The following ADAM9 variants were observed in gnomAD, a reference collection of about 807,000 sequenced individuals.
The protein encoded by ADAM9 is disintegrin and metalloproteinase domain-containing protein 9.
Under a neutral mutation model 108.1 loss-of-function variants are expected in ADAM9, and 54 were observed. The observed-to-expected ratio is 0.50, with a 90% CI of 0.40 to 0.63. The LOEUF (loss-of-function observed/expected upper bound fraction) is 0.63. Among genes scored for constraint, ADAM9 ranks in the 20% least tolerant of loss-of-function variants. ADAM9 has a pLI of 0.00. For synonymous variants in ADAM9, 316 were observed against 336.0 expected, an observed-to-expected ratio of 0.94 and a Z score of 0.65; for missense variants, 830 against 997.7, an observed-to-expected ratio of 0.83 and a Z score of 2.26.
At chr8:39,056,862 G>T (rs1245806335) in intron 14 of ADAM9, among the ~76,000 whole-genome samples, 1 of 152,038 alleles carries the variant, frequency 6.6e-6, no homozygotes, top group African/African-American at 2.4e-5. Flanking sequence ...GTTTCCCTCT[G>T]TATAGTTAGT....
chr8:39,044,056 A>G (rs753329385), intron 12 of ADAM9, among the ~76,000 whole-genome samples: 2 of 151,972 alleles, frequency 1.3e-5, no homozygotes, highest in Non-Finnish European at 2.9e-5. Flanking sequence ...CACTCTGTTG[A>G]TTGCTTCCTA....
chr8:39,071,250 A>G, intron 14 of ADAM9, 48 bp from the exon 15 acceptor site: 1 of 1,567,906 alleles, frequency 6.4e-7, no homozygotes, highest in South Asian at 1.1e-5. Context: ...TTCAAAAGCT[A>G]AATTGCCATA....
At chr8:39,011,092 C>CA (rs34155093) in intron 2 of ADAM9, among the ~76,000 whole-genome samples, 7,197 of 72,708 alleles carry the variant, frequency 0.099, 552 homozygotes, top group African/African-American at 0.27. Flanking sequence ...GACTCCATCT[C>CA]AAAAAAAAAA....
At chr8:39,011,443 T>C (rs1442741655) in intron 2 of ADAM9, among the ~76,000 whole-genome samples, 1 of 152,146 alleles carries the variant, frequency 6.6e-6, no homozygotes, top group Non-Finnish European at 1.5e-5. Context: ...AGACATGGGG[T>C]TATTTTCCAT....
chr8:39,043,252 T>A (rs1483728640), intron 12 of ADAM9, among the ~76,000 whole-genome samples: 2 of 152,162 alleles, frequency 1.3e-5, no homozygotes, highest in African/African-American at 2.4e-5. Context: ...AATGCTAATA[T>A]CTCTTCAAGA....
At chr8:39,009,115 C>T (rs1276911328) in intron 2 of ADAM9, among the ~76,000 whole-genome samples, 2 of 152,172 alleles carry the variant, frequency 1.3e-5, no homozygotes, top group African/African-American at 2.4e-5. Flanking sequence ...GTGAGTACCA[C>T]CACCTACTAG....
chr8:39,011,490 A>G (rs1029327946), intron 2 of ADAM9, among the ~76,000 whole-genome samples, 168 bp from the exon 3 acceptor site: 26 of 152,198 alleles, frequency 1.7e-4, no homozygotes, highest in African/African-American at 6.0e-4. Context: ...TGATCAGAGT[A>G]TATTTTTTAT....
chr8:39,002,758 A>C (rs776592436), intron 1 of ADAM9, among the ~76,000 whole-genome samples: 1 of 152,220 alleles, frequency 6.6e-6, no homozygotes, highest in African/African-American at 2.4e-5. Flanking sequence ...AGTGCAACTA[A>C]CACCTTTTCC....
chr8:39,082,852 A>C (rs1839065537), intron 17 of ADAM9, 116 bp from the exon 18 acceptor site: 15 of 1,340,384 alleles, frequency 1.1e-5, no homozygotes, highest in Non-Finnish European at 1.6e-5. Context: ...TTTCATTCTT[A>C]AACAGTGTCA....
At chr8:39,016,627 TTAACA>T (rs1283795494) in intron 5 of ADAM9, among the ~76,000 whole-genome samples, 16 of 152,208 alleles carry the variant, frequency 1.1e-4, no homozygotes, top group Non-Finnish European at 2.1e-4. Flanking sequence ...TATTATAGTA[TTAACA>T]TTACATTCCT....
At chr8:39,043,211 C>G (rs533682190) in intron 12 of ADAM9, among the ~76,000 whole-genome samples, 84 of 152,244 alleles carry the variant, frequency 5.5e-4, no homozygotes, top group African/African-American at 1.9e-3. Context: ...TACATCTTGG[C>G]TACTGTGAAT....
At chr8:39,086,290 T>C (rs1031356088) in intron 18 of ADAM9, among the ~76,000 whole-genome samples, 13 of 152,304 alleles carry the variant, frequency 8.5e-5, no homozygotes, top group Admixed American at 8.5e-4. Flanking sequence ...TCTGGGATTA[T>C]AAGTGTGAGC....
At position 38,999,020 on chromosome 8, in the gene ADAM9, G is replaced by A. The variant is rs192943038; in HGVS notation, c.97+1860G>A. On this transcript the variant is annotated intron_variant, in intron 1 of 21. Coordinates refer to ENST00000487273, the MANE Select transcript of ADAM9 (RefSeq NM_003816.3). ...AAAACGGGCAACACGGTGGAGGATAGAATCTAGGAGGGAGAGACTAGAGGC... is the reference window on the plus strand; with the variant it reads ...AAAACGGGCAACACGGTGGAGGATAAAATCTAGGAGGGAGAGACTAGAGGC... 3.0e-3 allele frequency among the ~76,000 whole-genome samples: 452 copies of A among 152,252 alleles called. 2 individuals are homozygous for A. Among genetic ancestry groups the A allele is most frequent in the African/African-American group, 0.01 (428 of 41,532 alleles).
At chr8:39,003,565 C>T (rs755327338) in intron 1 of ADAM9, among the ~76,000 whole-genome samples, 5 of 150,246 alleles carry the variant, frequency 3.3e-5, no homozygotes, top group Non-Finnish European at 7.4e-5. Context: ...AAAACCTGAC[C>T]TAGAGATAAG....
intron 1 of ADAM9, among the ~76,000 whole-genome samples, chr8:39,005,606 T>G (rs1836136262): frequency 6.6e-6 from 1 of 152,202 alleles, no homozygotes. Flanking sequence ...TGAGCTGCAG[T>G]TAGAGATCAC....
At chr8:39,009,943 AAAC>A (rs370366463) in intron 2 of ADAM9, among the ~76,000 whole-genome samples, 1 of 106,162 alleles carries the variant, frequency 9.4e-6, no homozygotes, top group South Asian at 3.5e-4. Flanking sequence ...ACAAAAACAA[AAAC>A]AACAACAACA....
intron 14 of ADAM9, among the ~76,000 whole-genome samples, chr8:39,069,351 G>A (rs982438034): frequency 1.3e-5 from 2 of 152,144 alleles, no homozygotes; most frequent in African/African-American, 4.8e-5. Context: ...TGATTTTAAA[G>A]ATAAGTCAAT....
chr8:39,018,666 A>G (rs1836628751), intron 6 of ADAM9, 187 bp from the exon 7 acceptor site: 2 of 628,380 alleles, frequency 3.2e-6, no homozygotes, highest in South Asian at 3.9e-5. Flanking sequence ...GAACTGGACA[A>G]AGTTTTCATC....
In ADAM9 at chr8:39,017,390, TC is replaced by T; in HGVS notation, c.585del (p.Ser196AlafsTer2). Reference sequence around the variant, plus strand: ...CTGCAAAGGATGAAGAGGAAGAGCCTCCCAGCATGACTCAGCTACTTCGAGT... The same window carrying T: ...CTGCAAAGGATGAAGAGGAAGAGCCTCCAGCATGACTCAGCTACTTCGAGT... The part of the protein sequence containing the change: ...ETAKDEEEEP[P>X]SMTQLLRRRR... On this transcript the variant is annotated frameshift_variant, in exon 6 of 22. Coordinates refer to ENST00000487273, the MANE Select transcript of ADAM9 (RefSeq NM_003816.3). LOFTEE classifies it high-confidence loss of function. 6.2e-7 allele frequency: 1 copy of T among 1,614,054 alleles called. No homozygotes were observed. The highest frequency in any genetic ancestry group is 8.5e-7 in the Non-Finnish European group (1 of 1,179,962).
Sources: gnomAD v4.1 joint callset for allele counts (sites outside exome capture counted in the v4.1 genomes callset) on GRCh38, gnomAD v4.1.1 for gene constraint, MANE v1.5 for transcripts, NCBI Gene and HGNC (gene_info 2026-07-23, HGNC 2026-07-21) for gene names.